Variants in FAAH2 observed in about 807,000 individuals in gnomAD.
FAAH2 encodes fatty-acid amide hydrolase 2.
Under a neutral mutation model 36.9 loss-of-function variants are expected in FAAH2, and 60 were observed. The observed-to-expected ratio is 1.63, with a 90% CI of 1.32 to 2.02. The LOEUF is 2.02. FAAH2 is among the 30% of genes most tolerant of loss of function. FAAH2 has a pLI of 0.00. For synonymous variants in FAAH2, 214 were observed against 143.8 expected, an observed-to-expected ratio of 1.49 and a Z score of -3.49; for missense variants, 689 against 397.5, an observed-to-expected ratio of 1.73 and a Z score of -6.23.
At chrX:57,340,501 T>C (rs972480388) in intron 4 of FAAH2, among the ~76,000 whole-genome samples, 2 of 112,142 alleles carry the variant, frequency 1.8e-5, no homozygotes, top group Admixed American at 1.9e-4. Context: ...CATATGTTCA[T>C]TGTAGCACTA....
At chrX:57,165,929 C>G in the FAAH2 span, among the ~76,000 whole-genome samples, 7 of 110,302 alleles carry the variant, frequency 6.3e-5, no homozygotes, top group East Asian at 2.0e-3. Flanking sequence ...TGCCATGCCC[C>G]CCATCCTGTG....
intron 2 of FAAH2, among the ~76,000 whole-genome samples, chrX:57,309,527 G>A (rs1291647470): frequency 2.7e-5 from 3 of 111,538 alleles, no homozygotes; most frequent in Non-Finnish European, 5.6e-5. Context: ...AGGTAAACGT[G>A]TACCATGATG....
At chrX:57,351,179 C>T in intron 5 of FAAH2, among the ~76,000 whole-genome samples, 1 of 110,789 alleles carries the variant, frequency 9.0e-6, no homozygotes, top group Middle Eastern at 4.7e-3. Flanking sequence ...GAAATTAATA[C>T]CAACAGGAAC....
intron 7 of FAAH2, among the ~76,000 whole-genome samples, chrX:57,398,113 C>T (rs764429895): frequency 4.5e-5 from 5 of 111,277 alleles, no homozygotes; most frequent in Non-Finnish European, 9.5e-5. Flanking sequence ...GGATCTAGAA[C>T]TAGAAATACC....
At chrX:57,184,378 G>A in the FAAH2 span, among the ~76,000 whole-genome samples, 1 of 111,788 alleles carries the variant, frequency 8.9e-6, no homozygotes, top group African/African-American at 3.3e-5. Context: ...AGGCTCAGGC[G>A]AGCATCACAG....
chrX:57,258,637 A>T, the FAAH2 span, among the ~76,000 whole-genome samples: 1 of 111,120 alleles, frequency 9.0e-6, no homozygotes, highest in Non-Finnish European at 1.9e-5. Context: ...ATGACCAAAA[A>T]ACCTGAGTTG....
intron 7 of FAAH2, among the ~76,000 whole-genome samples, chrX:57,420,532 G>T (rs1469850173): frequency 9.0e-6 from 1 of 110,674 alleles, no homozygotes; most frequent in Non-Finnish European, 1.9e-5. Context: ...GTCTGTTATT[G>T]GTGTATAAGA....
At chrX:57,352,347 G>A (rs1218142911) in intron 5 of FAAH2, among the ~76,000 whole-genome samples, 1 of 106,192 alleles carries the variant, frequency 9.4e-6, no homozygotes, top group African/African-American at 3.4e-5. Flanking sequence ...CACATCAACA[G>A]AATCAAGAAC....
At chrX:57,468,406 C>T (rs951910779) in intron 10 of FAAH2, among the ~76,000 whole-genome samples, 1 of 111,610 alleles carries the variant, frequency 9.0e-6, no homozygotes, top group Admixed American at 9.6e-5. Flanking sequence ...CCTTAAATGA[C>T]CTGATGGAGC....
At chrX:57,424,329 G>C (rs2056108883) in intron 7 of FAAH2, among the ~76,000 whole-genome samples, 1 of 111,534 alleles carries the variant, frequency 9.0e-6, no homozygotes, top group African/African-American at 3.3e-5. Context: ...CTACTCCATT[G>C]CTTGAGGCAC....
chrX:57,145,638 A>G, the FAAH2 span, among the ~76,000 whole-genome samples: 42 of 111,990 alleles, frequency 3.8e-4, no homozygotes, highest in Middle Eastern at 9.3e-3. Flanking sequence ...TGCCTAAGCC[A>G]ATGTCTAGAA....
At chrX:57,321,714 G>T (rs1407598293) in intron 3 of FAAH2, among the ~76,000 whole-genome samples, 2 of 110,245 alleles carry the variant, frequency 1.8e-5, no homozygotes, top group African/African-American at 6.6e-5. Flanking sequence ...TTGCCACTCT[G>T]TGCCTTTTAA....
intron 10 of FAAH2, among the ~76,000 whole-genome samples, chrX:57,453,256 G>C (rs1490956467): frequency 8.9e-6 from 1 of 112,365 alleles, no homozygotes; most frequent in African/African-American, 3.2e-5. Context: ...AGAAAAATCA[G>C]AATCAAGAGT....
At chrX:57,338,832 C>T (rs1602328138) in intron 4 of FAAH2, among the ~76,000 whole-genome samples, 1 of 111,240 alleles carries the variant, frequency 9.0e-6, no homozygotes, top group East Asian at 2.8e-4. Flanking sequence ...AGCCATACTG[C>T]CCAAAGTAAT....
At chrX:57,151,186 C>T in the FAAH2 span, among the ~76,000 whole-genome samples, 71 of 112,005 alleles carry the variant, frequency 6.3e-4, no homozygotes, top group South Asian at 5.6e-3. Context: ...GTCTGGCTGC[C>T]CTTAACATTT....
At chrX:57,326,496 G>A (rs1397497335) in intron 3 of FAAH2, among the ~76,000 whole-genome samples, 1 of 111,034 alleles carries the variant, frequency 9.0e-6, no homozygotes, top group Admixed American at 9.4e-5. Flanking sequence ...AGGTCACTAA[G>A]GACTTGCTTT....
chrX:57,314,987 A>T (rs2052796151), intron 3 of FAAH2, among the ~76,000 whole-genome samples: 1 of 111,286 alleles, frequency 9.0e-6, no homozygotes, highest in African/African-American at 3.3e-5. Context: ...GATCAATGAA[A>T]TTAAGAGTTT....
intron 4 of FAAH2, among the ~76,000 whole-genome samples, chrX:57,336,263 C>A (rs1292648744): frequency 9.0e-6 from 1 of 110,872 alleles, no homozygotes; most frequent in Non-Finnish European, 1.9e-5. Context: ...CCCATTCTGC[C>A]CGCCAGAGAA....
intron 5 of FAAH2, among the ~76,000 whole-genome samples, chrX:57,376,976 A>C (rs1395383242): frequency 8.9e-6 from 1 of 112,036 alleles, no homozygotes; most frequent in African/African-American, 3.3e-5. Context: ...GTGCCTGTTC[A>C]TATCCTTCAC....
Sources: allele counts gnomAD v4.1 joint callset (sites outside exome capture counted in the v4.1 genomes callset), GRCh38; gene constraint gnomAD v4.1.1; transcripts MANE v1.5; gene names NCBI Gene and HGNC (gene_info 2026-07-23, HGNC 2026-07-21).